ANKIB1: variants seen among roughly 807,000 people sequenced by gnomAD.
The protein encoded by ANKIB1 is ankyrin repeat and IBR domain containing 1, also known as ankyrin repeat and IBR domain-containing protein 1.
ANKIB1 carries 43 observed loss-of-function variants against 122.1 expected under a neutral mutation model. The observed-to-expected ratio is 0.35, with a 90% CI of 0.28 to 0.45. The LOEUF (loss-of-function observed/expected upper bound fraction) is 0.45. Ranked by LOEUF, ANKIB1 falls within the 20% of genes least tolerant of loss-of-function variation. The pLI is 1.00. For missense variants in ANKIB1, 992 were observed against 1,329.5 expected (o/e 0.75, Z 3.95); for synonymous variants, 390 against 442.0 (o/e 0.88, Z 1.48).
intron 16 of ANKIB1, among the ~76,000 whole-genome samples, chr7:92,391,625 C>G (rs1432985499): frequency 1.3e-5 from 2 of 151,888 alleles, no homozygotes; most frequent in East Asian, 3.9e-4. Context: ...TAAGAGTATT[C>G]TAATGTATCA....
intron 4 of ANKIB1, among the ~76,000 whole-genome samples, chr7:92,326,625 A>G (rs1803032924): frequency 6.6e-6 from 1 of 152,208 alleles, no homozygotes; most frequent in Non-Finnish European, 1.5e-5. Context: ...AGTAGTACTA[A>G]TTTAACCATT....
chr7:92,398,366 T>C lies in ANKIB1; in HGVS notation c.2687T>C (p.Leu896Pro), dbSNP rs777896900. Residue 896 changes from leucine (L) to proline (P), a missense_variant, in exon 20 of 20, where the codon CTG becomes CCG. Leu to Pro is a moderately conservative substitution (Grantham distance 98). Transcript: ENST00000265742. ...ATAGGCACTTCTTTACCTTCCAGGCTGGACTCTGTCCCCAGAAATACAGAT... is the reference window on the plus strand; with the variant it reads ...ATAGGCACTTCTTTACCTTCCAGGCCGGACTCTGTCCCCAGAAATACAGAT... Reference protein sequence around the residue: ...GAIGTSLPSRLDSVPRNTDSP... With the variant: ...GAIGTSLPSRPDSVPRNTDSP... 6.2e-7 allele frequency: 1 copy of C among 1,613,362 alleles called. No individual in the cohort carries two copies. The highest frequency in any genetic ancestry group is 8.5e-7 in the Non-Finnish European group (1 of 1,179,604).
At chr7:92,286,961 G>A (rs1802143866) in intron 1 of ANKIB1, among the ~76,000 whole-genome samples, 1 of 152,180 alleles carries the variant, frequency 6.6e-6, no homozygotes, top group Non-Finnish European at 1.5e-5. Flanking sequence ...GCTGTTGCCT[G>A]ATTAACCCTA....
rs1329772809 is a variant in ANKIB1 at position 92,397,734 on chromosome 7, G to T, written c.2407G>T (p.Gly803Cys). 6.2e-7 allele frequency: 1 copy of T among 1,611,560 alleles called. No individual in the cohort carries two copies. Among genetic ancestry groups the T allele is most frequent in the Non-Finnish European group, 8.5e-7 (1 of 1,179,088 alleles). ...PSESTLDIPE[G>C]GSSSRRPGTS... ...TTGCTTTGAAACAGATATTCCAGAA[G>T]GCGGCAGCAGCAGCCGCAGGCCTGG... The change falls in exon 19 of 20, where the codon GGC (glycine) becomes TGC (cysteine). Residue 803 changes from glycine to cysteine, a missense_variant. Gly to Cys is a radical substitution (Grantham distance 159, BLOSUM62 -3). Transcript: ENST00000265742.
chr7:92,301,504 A>G (rs922100500), intron 2 of ANKIB1, among the ~76,000 whole-genome samples: 2 of 152,044 alleles, frequency 1.3e-5, no homozygotes, highest in African/African-American at 4.8e-5. Context: ...AAAATCATCC[A>G]TTTAGGTCCT....
In ANKIB1 at chr7:92,360,364, T is replaced by C. The variant is rs549438444; in HGVS notation, c.1398-1821T>C. On this transcript the variant is annotated intron_variant, in intron 9 of 19. Coordinates refer to ENST00000265742, the MANE Select transcript of ANKIB1 (RefSeq NM_019004.2). ...TGGCTTATTTCACTTAACAAAATGTTTTTAAGGCTCATTCATAGTGTAGCA... is the reference window on the plus strand; with the variant it reads ...TGGCTTATTTCACTTAACAAAATGTCTTTAAGGCTCATTCATAGTGTAGCA... Among the ~76,000 whole-genome samples the C allele has an allele frequency of 3.9e-5, 6 of 152,316 alleles. No homozygotes were observed. The Middle Eastern group carries it at 0.01, about 259-fold the overall frequency.
At position 92,398,795 on chromosome 7, in the gene ANKIB1, A is replaced by G. The variant is rs1346892469; in HGVS notation, c.3116A>G (p.Glu1039Gly). The change falls in exon 20 of 20, where the codon GAA (glutamate) becomes GGA (glycine). Residue 1039 changes from glutamate to glycine, a missense_variant. Around this residue, in one of 4 missense-constraint regions of ANKIB1, gnomAD observed 384 missense variants for 412.0 expected, o/e 0.93. Transcript: ENST00000265742. ...GAAGGTAGAGGAACCCAGATAGAAG[A>G]AAATCCTTTGGAAGAAAATATTCTG... ...VSEGRGTQIEENPLEENILAG... is the reference protein window; with the variant it reads ...VSEGRGTQIEGNPLEENILAG... The G allele has an allele frequency of 1.9e-6, 3 of 1,611,014 alleles. No homozygotes were observed. In the Admixed American group the frequency reaches 5.0e-5, roughly 27 times the overall value.
intron 15 of ANKIB1, 93 bp from the exon 16 acceptor site, chr7:92,391,073 G>A: frequency 9.3e-7 from 1 of 1,071,176 alleles, no homozygotes; most frequent in East Asian, 2.7e-5. Context: ...CTTCAAAAGA[G>A]TTAGATTTAA....
At chr7:92,387,676 A>C (rs994046136) in intron 12 of ANKIB1, 122 bp from the exon 13 acceptor site, 1 of 676,358 alleles carries the variant, frequency 1.5e-6, no homozygotes, top group Non-Finnish European at 2.5e-6. Flanking sequence ...TCAAGAAAAT[A>C]ATTCGCAAAT....
chr7:92,261,274 G>A (rs964795228), intron 1 of ANKIB1, among the ~76,000 whole-genome samples: 13 of 150,610 alleles, frequency 8.6e-5, no homozygotes, highest in African/African-American at 1.7e-4. Context: ...GCGTGAACCC[G>A]GGAGGCGGAG....
chr7:92,383,938 G>T (rs1221270727), intron 11 of ANKIB1, among the ~76,000 whole-genome samples: 2 of 152,178 alleles, frequency 1.3e-5, no homozygotes, highest in East Asian at 3.8e-4. Flanking sequence ...AGGAAAAGAG[G>T]AAGTCAGATT....
At chr7:92,331,316 G>A (rs1041216526) in intron 5 of ANKIB1, among the ~76,000 whole-genome samples, 2 of 147,904 alleles carry the variant, frequency 1.4e-5, no homozygotes, top group Non-Finnish European at 3.0e-5. Context: ...AACCCAGGCT[G>A]GAGTGCAGTA....
intron 1 of ANKIB1, among the ~76,000 whole-genome samples, chr7:92,247,730 A>G (rs1003733089): frequency 2.6e-5 from 4 of 152,230 alleles, no homozygotes; most frequent in Non-Finnish European, 5.9e-5. Context: ...TCAGAGCACC[A>G]TAGGAAGCAA....
chr7:92,255,684 T>A (rs937541837), intron 1 of ANKIB1, among the ~76,000 whole-genome samples: 1 of 152,268 alleles, frequency 6.6e-6, no homozygotes, highest in Admixed American at 6.5e-5. Context: ...TTGAAAAAAA[T>A]AGTGCTGATT....
Position 92,257,724 on chromosome 7 carries a change from G to A in ANKIB1, c.-91+11205G>A, listed in dbSNP as rs374436170. Among the ~76,000 whole-genome samples, 83 of 152,336 alleles carry A rather than the reference G, an allele frequency of 5.4e-4. No individual in the cohort carries two copies. In the East Asian group the frequency reaches 8.5e-3, roughly 16 times the overall value. Reference sequence around the variant, plus strand: ...GGAGAATCACTTGAACCCTGGAGGCGGAGGTTGCCATGAGCAGAGATCGCG... The same window carrying A: ...GGAGAATCACTTGAACCCTGGAGGCAGAGGTTGCCATGAGCAGAGATCGCG... On this transcript the variant is annotated intron_variant, in intron 1 of 19. Transcript: ENST00000265742.
chr7:92,357,825 TCC>T (rs1189056003), intron 9 of ANKIB1, among the ~76,000 whole-genome samples: 43 of 152,252 alleles, frequency 2.8e-4, no homozygotes, highest in Admixed American at 5.2e-4. Flanking sequence ...TAACCTCTCT[TCC>T]CTACGTTGAT....
chr7:92,369,874 C>G (rs903072240), intron 10 of ANKIB1, among the ~76,000 whole-genome samples: 1 of 152,202 alleles, frequency 6.6e-6, no homozygotes, highest in East Asian at 1.9e-4. Flanking sequence ...ATCTGGAACT[C>G]TCTAGCCCCT....
intron 11 of ANKIB1, among the ~76,000 whole-genome samples, chr7:92,382,177 A>C (rs1804531086): frequency 6.6e-6 from 1 of 152,246 alleles, no homozygotes; most frequent in African/African-American, 2.4e-5. Flanking sequence ...TCAATTCAAC[A>C]AGAAGAGCTA....
intron 17 of ANKIB1, chr7:92,396,138 A>G: frequency 1.9e-6 from 1 of 517,470 alleles, no homozygotes; most frequent in Non-Finnish European, 3.4e-6. Flanking sequence ...GCTTGCAAGT[A>G]TTCCTAATTT....
Sources: allele counts gnomAD v4.1 joint callset (sites outside exome capture counted in the v4.1 genomes callset), GRCh38; gene constraint gnomAD v4.1.1; regional missense constraint gnomAD v4.1.1; transcripts MANE v1.5; gene names NCBI Gene and HGNC (gene_info 2026-07-23, HGNC 2026-07-21).